Variants in ZSCAN5A observed in about 807,000 individuals in gnomAD.
ZSCAN5A encodes the protein zinc finger and SCAN domain-containing protein 5A.
A neutral mutation model predicts 23.7 loss-of-function variants in ZSCAN5A; 12 were observed. The observed-to-expected ratio is 0.51, with a 90% confidence interval of 0.32 to 0.82. The LOEUF is 0.82. ZSCAN5A is among the 40% of genes least tolerant of loss of function. The pLI is 0.03. For synonymous variants in ZSCAN5A, 257 were observed against 239.9 expected (o/e 1.07, Z -0.66); for missense variants, 597 against 617.9 (o/e 0.97, Z 0.36).
At chr19:56,258,671 T>C (rs2036905956) in intron 2 of ZSCAN5A, among the ~76,000 whole-genome samples, 1 of 152,172 alleles carries the variant, frequency 6.6e-6, no homozygotes, top group South Asian at 2.1e-4. Flanking sequence ...GCTGTGGTTT[T>C]TGAAGATGAT....
chr19:56,225,852 C>A (rs2033874835), intron 2 of ZSCAN5A, among the ~76,000 whole-genome samples: 3 of 151,012 alleles, frequency 2.0e-5, no homozygotes, highest in Admixed American at 1.3e-4. Context: ...TGATCACCCC[C>A]TGCCCACCCA....
chr19:56,340,343 C>A (rs1302760197), intron 2 of ZSCAN5A, among the ~76,000 whole-genome samples: 1 of 152,186 alleles, frequency 6.6e-6, no homozygotes, highest in African/African-American at 2.4e-5. Context: ...CAGGGCAGCT[C>A]TCACTGCAGA....
At chr19:56,297,424 T>G (rs2039950696) in intron 2 of ZSCAN5A, 1 of 320,728 alleles carries the variant, frequency 3.1e-6, no homozygotes, top group Non-Finnish European at 4.4e-6. Context: ...TCTTCCTCCC[T>G]CCCTCTCTCC....
chr19:56,242,291 C>T (rs1041967027), intron 2 of ZSCAN5A, among the ~76,000 whole-genome samples: 5 of 152,008 alleles, frequency 3.3e-5, no homozygotes, highest in Non-Finnish European at 5.9e-5. Flanking sequence ...TGAGTGATGA[C>T]GAGCACCTTT....
intron 2 of ZSCAN5A, among the ~76,000 whole-genome samples, chr19:56,271,112 A>G (rs2037816353): frequency 6.6e-6 from 1 of 152,254 alleles, no homozygotes; most frequent in South Asian, 2.1e-4. Flanking sequence ...TGTGCTGGTA[A>G]TGAGGCTGCT....
At chr19:56,244,166 A>C in intron 2 of ZSCAN5A, 1 of 1,610,364 alleles carries the variant, frequency 6.2e-7, no homozygotes, top group Non-Finnish European at 8.5e-7. Context: ...GGACCCTGAG[A>C]CTTGTCACGT....
At chr19:56,256,638 TGAG>T (rs751957524) in intron 2 of ZSCAN5A, among the ~76,000 whole-genome samples, 16 of 152,194 alleles carry the variant, frequency 1.1e-4, no homozygotes, top group African/African-American at 3.6e-4. Context: ...GGGGAGACAC[TGAG>T]GAGATTTAAA....
chr19:56,294,515 G>A (rs551848174), intron 2 of ZSCAN5A, among the ~76,000 whole-genome samples: 25 of 152,044 alleles, frequency 1.6e-4, no homozygotes, highest in South Asian at 6.2e-4. Flanking sequence ...TCTGTAAAGC[G>A]CTAAATAGTA....
intron 2 of ZSCAN5A, among the ~76,000 whole-genome samples, chr19:56,233,350 GTT>G (rs1459136854): frequency 6.6e-6 from 1 of 152,022 alleles, no homozygotes; most frequent in African/African-American, 2.4e-5. Flanking sequence ...CGGTGTCCAC[GTT>G]TTGTCTTTGA....
intron 2 of ZSCAN5A, among the ~76,000 whole-genome samples, chr19:56,293,173 C>A (rs1200312879): frequency 6.6e-6 from 1 of 152,152 alleles, no homozygotes; most frequent in African/African-American, 2.4e-5. Context: ...TGGTATCCTG[C>A]AGCTCAAGAG....
At chr19:56,365,785 A>G (rs2041760048) in intron 1 of ZSCAN5A, 1 of 152,258 alleles carries the variant, frequency 6.6e-6, no homozygotes, top group African/African-American at 2.4e-5. Flanking sequence ...GGAAAACCTG[A>G]ACTCTAATTG....
chr19:56,258,548 T>G, intron 2 of ZSCAN5A, among the ~76,000 whole-genome samples: 1 of 143,270 alleles, frequency 7.0e-6, no homozygotes, highest in South Asian at 2.2e-4. Flanking sequence ...CCTTCCAGTG[T>G]GGGGAGTGAC....
At chr19:56,353,877 G>T (rs1396809466) in intron 2 of ZSCAN5A, among the ~76,000 whole-genome samples, 1 of 152,220 alleles carries the variant, frequency 6.6e-6, no homozygotes, top group African/African-American at 2.4e-5. Flanking sequence ...CAGCCCAAAG[G>T]TGGAAGCAGC....
intron 2 of ZSCAN5A, chr19:56,245,559 C>A: frequency 3.2e-6 from 1 of 310,930 alleles, no homozygotes; most frequent in Non-Finnish European, 5.9e-6. Context: ...GTGTTACATC[C>A]TTAGACATTC....
chr19:56,347,355 G>A (rs1274712593), intron 2 of ZSCAN5A: 5 of 152,228 alleles, frequency 3.3e-5, no homozygotes, highest in Admixed American at 1.3e-4. Flanking sequence ...GGACACAAAC[G>A]CGGGGGGCTC....
At chr19:56,322,382 C>G (rs910854639) in intron 2 of ZSCAN5A, 5 of 717,662 alleles carry the variant, frequency 7.0e-6, no homozygotes, top group African/African-American at 1.7e-5. Context: ...TCTCAGCCGG[C>G]AGGCTTCCCT....
At chr19:56,368,181 C>G (rs546032064) in intron 1 of ZSCAN5A, 68 of 152,508 alleles carry the variant, frequency 4.5e-4, no homozygotes, top group African/African-American at 1.5e-3. Context: ...GCGTCGAGGC[C>G]CTACGGGGCG....
intron 2 of ZSCAN5A, among the ~76,000 whole-genome samples, chr19:56,269,951 G>A (rs1438279733): frequency 3.3e-5 from 5 of 152,122 alleles, no homozygotes. Context: ...ATTTGTTATG[G>A]TAGCAAGAAG....
intron 2 of ZSCAN5A, among the ~76,000 whole-genome samples, chr19:56,360,704 T>C (rs1417858010): frequency 6.6e-6 from 1 of 151,616 alleles, no homozygotes; most frequent in Non-Finnish European, 1.5e-5. Flanking sequence ...AAGACTTATA[T>C]GTAAAAAAAA....
Sources: gnomAD v4.1 joint callset for allele counts (sites outside exome capture counted in the v4.1 genomes callset) on GRCh38, gnomAD v4.1.1 for gene constraint, MANE v1.5 for transcripts, NCBI Gene and HGNC (gene_info 2026-07-23, HGNC 2026-07-21) for gene names.